The following AGPS variants were observed in gnomAD, a reference collection of about 807,000 sequenced individuals.
AGPS encodes the protein alkylglycerone phosphate synthase, also known as alkyldihydroxyacetonephosphate synthase, peroxisomal.
Under a neutral mutation model 90.7 loss-of-function variants are expected in AGPS, and 26 were observed. The ratio of observed to expected loss-of-function variants is 0.29; its 90% CI spans 0.21 to 0.40. The LOEUF is 0.40. AGPS is among the 10% of genes least tolerant of loss of function. The pLI, the probability that AGPS is intolerant of heterozygous loss-of-function variation, is 1.00. For synonymous variants in AGPS, 294 were observed against 285.3 expected (o/e 1.03, Z -0.31); for missense variants, 540 against 816.1 (o/e 0.66, Z 4.12).
chr2:177,406,508 T>C (rs560163256), intron 1 of AGPS, among the ~76,000 whole-genome samples: 10 of 152,318 alleles, frequency 6.6e-5, no homozygotes, highest in Admixed American at 2.0e-4. Flanking sequence ...AGGGGATATA[T>C]ACAGGAAGAC....
At position 177,466,027 on chromosome 2, in the gene AGPS, AGAG is replaced by A. The variant is rs763082611; in HGVS notation, c.997-2385_997-2383del. The stretch of plus-strand genomic sequence containing the variant: ...GCTTTATTGAGTGACAAAACAGCTC[AGAG>A]GAGACTCATATTGGGTAGCTCCTTT... On this transcript the variant is annotated intron_variant, in intron 9 of 19. Transcript: ENST00000264167. Among the ~76,000 whole-genome samples, 215 of 152,356 alleles carry A rather than the reference AGAG, an allele frequency of 1.4e-3. 1 individual carries two copies. Among genetic ancestry groups the A allele is most frequent in the Non-Finnish European group, 1.1e-3 (74 of 68,040 alleles).
intron 2 of AGPS, among the ~76,000 whole-genome samples, chr2:177,433,396 T>A (rs1014080117): frequency 3.9e-5 from 6 of 152,202 alleles, no homozygotes; most frequent in Non-Finnish European, 5.9e-5. Context: ...TTTTTATAGT[T>A]TTTTATTTCT....
rs1266007191 is a variant in AGPS at position 177,538,959 on chromosome 2, G to C, written c.*764G>C. 2 of 151,938 alleles carry C rather than the reference G, an allele frequency of 1.3e-5. No homozygotes were observed. The highest frequency in any genetic ancestry group is 1.3e-4 in the Admixed American group (2 of 15,220). 9.4% of individuals were successfully genotyped at this position (151,938 alleles called of 1,614,324 possible). A position where few individuals can be genotyped will look rare whatever the true frequency, so the allele number is the denominator to read the frequency against. ...ATCCTTCATTGCAAGTGAAGAACAG[G>C]TTTACCATGAAATGAATGCCTTTAT... is the stretch of plus-strand genomic sequence containing the variant. On this transcript the variant is annotated 3_prime_UTR_variant, in exon 20 of 20. Transcript: ENST00000264167.
chr2:177,529,649 T>A (rs1489531611), intron 19 of AGPS, among the ~76,000 whole-genome samples: 1 of 152,136 alleles, frequency 6.6e-6, no homozygotes, highest in Non-Finnish European at 1.5e-5. Flanking sequence ...ACTGGAGAAG[T>A]AGGGTAAAAT....
chr2:177,513,971 G>C (rs1002029141), intron 17 of AGPS, 63 bp downstream of exon 17: 13 of 1,244,442 alleles, frequency 1.0e-5, no homozygotes, highest in Non-Finnish European at 1.4e-5. Flanking sequence ...TTAATCAAGG[G>C]GGGGAATATA....
chr2:177,500,991 C>T (rs936941639), intron 14 of AGPS, among the ~76,000 whole-genome samples: 1 of 151,866 alleles, frequency 6.6e-6, no homozygotes, highest in Admixed American at 6.6e-5. Context: ...ATAGGGAGTA[C>T]GTATGTAATT....
At chr2:177,488,128 TAGA>T (rs1455714789) in intron 11 of AGPS, among the ~76,000 whole-genome samples, 2 of 152,176 alleles carry the variant, frequency 1.3e-5, no homozygotes, top group African/African-American at 4.8e-5. Flanking sequence ...ACTTATTAGT[TAGA>T]AGAAGAATTT....
intron 11 of AGPS, 93 bp from the exon 12 acceptor site, chr2:177,493,055 C>G: frequency 8.6e-7 from 1 of 1,169,350 alleles, no homozygotes; most frequent in Admixed American, 1.9e-5. Flanking sequence ...AGCTCTTGAT[C>G]TCTTAAATAT....
At chr2:177,442,584 C>T (rs1166574070) in intron 7 of AGPS, 98 bp downstream of exon 7, 8 of 991,182 alleles carry the variant, frequency 8.1e-6, no homozygotes, top group East Asian at 2.7e-5. Context: ...CTGTGGCTCA[C>T]GCTTGTAATC....
chr2:177,493,230 A>G (rs1293909316), intron 12 of AGPS, 31 bp downstream of exon 12: 3 of 1,571,370 alleles, frequency 1.9e-6, no homozygotes, highest in Admixed American at 1.7e-5. Context: ...TTAAAATGTC[A>G]TTTAGCCACA....
intron 3 of AGPS, among the ~76,000 whole-genome samples, chr2:177,434,997 GTATATATATATATA>G (rs1553509324): frequency 1.6e-5 from 2 of 128,130 alleles, no homozygotes; most frequent in East Asian, 2.2e-4. Flanking sequence ...TAAACTGTAG[GTATATATATATATA>G]TATATATATA....
chr2:177,405,770 G>A (rs1685452870), intron 1 of AGPS, among the ~76,000 whole-genome samples: 1 of 147,922 alleles, frequency 6.8e-6, no homozygotes, highest in African/African-American at 2.5e-5. Context: ...TTAATTTTTA[G>A]TCATTTCTTC....
intron 11 of AGPS, among the ~76,000 whole-genome samples, chr2:177,483,361 C>T (rs1037512518): frequency 4.6e-5 from 7 of 152,200 alleles, no homozygotes; most frequent in Non-Finnish European, 1.0e-4. Context: ...CTCTTTCTGT[C>T]TGGCAGCTTC....
intron 11 of AGPS, 126 bp from the exon 12 acceptor site, chr2:177,493,021 TC>T (rs1285098796): frequency 5.0e-6 from 4 of 803,378 alleles, no homozygotes; most frequent in Non-Finnish European, 7.9e-6. Context: ...TAACTTTTTT[TC>T]CTCTGTAAAT....
intron 19 of AGPS, among the ~76,000 whole-genome samples, chr2:177,524,806 A>C (rs924029833): frequency 6.6e-5 from 10 of 152,188 alleles, no homozygotes; most frequent in Admixed American, 5.9e-4. Flanking sequence ...AGCCCCAGTC[A>C]GCCCTCCATA....
At chr2:177,465,394 T>A (rs562218969) in intron 9 of AGPS, among the ~76,000 whole-genome samples, 2 of 152,352 alleles carry the variant, frequency 1.3e-5, no homozygotes, top group Non-Finnish European at 2.9e-5. Context: ...GTGTCACTTT[T>A]TTAGCCAGAA....
chr2:177,412,915 G>C (rs1414806859), intron 1 of AGPS, among the ~76,000 whole-genome samples: 2 of 152,140 alleles, frequency 1.3e-5, no homozygotes, highest in Admixed American at 1.3e-4. Flanking sequence ...CCTTTAGCCC[G>C]ATCGGGAGTG....
intron 10 of AGPS, among the ~76,000 whole-genome samples, chr2:177,472,003 T>A (rs2105680402): frequency 6.6e-6 from 1 of 152,204 alleles, no homozygotes; most frequent in African/African-American, 2.4e-5. Context: ...AACTTAGAGT[T>A]GATAGTCCTG....
intron 2 of AGPS, among the ~76,000 whole-genome samples, chr2:177,429,444 G>C (rs1686174751): frequency 6.6e-6 from 1 of 152,060 alleles, no homozygotes. Context: ...CATCTTTGTG[G>C]GATTATCTAG....
Sources: allele counts gnomAD v4.1 joint callset (sites outside exome capture counted in the v4.1 genomes callset), GRCh38; gene constraint gnomAD v4.1.1; transcripts MANE v1.5; gene names NCBI Gene and HGNC (gene_info 2026-07-23, HGNC 2026-07-21).